EYS: variants seen among roughly 807,000 people sequenced by gnomAD.
EYS encodes EGF-like photoreceptor maintenance factor.
Under a neutral mutation model 282.1 loss-of-function variants are expected in EYS, and 250 were observed. The observed-to-expected ratio is 0.89, with a 90% CI of 0.80 to 0.98. EYS has a LOEUF of 0.98. EYS is among the 50% of genes least tolerant of loss of function. The pLI, the probability that EYS is intolerant of heterozygous loss-of-function variation, is 0.00. For missense variants in EYS, 4,016 were observed against 3,709.0 expected, an observed-to-expected ratio of 1.08 and a Z score of -2.15; for synonymous variants, 1,355 against 1,282.9, an observed-to-expected ratio of 1.06 and a Z score of -1.20.
At chr6:64,615,432 T>A (rs951040410) in intron 24 of EYS, among the ~76,000 whole-genome samples, 1 of 152,158 alleles carries the variant, frequency 6.6e-6, no homozygotes, top group African/African-American at 2.4e-5. Flanking sequence ...TTTACAAATT[T>A]AACGTGCTAC....
chr6:65,198,790 C>A (rs1765830846), intron 12 of EYS, among the ~76,000 whole-genome samples: 1 of 152,016 alleles, frequency 6.6e-6, no homozygotes, highest in Admixed American at 6.6e-5. Context: ...TTTGGTTGTT[C>A]AGATTAGGTG....
intron 12 of EYS, among the ~76,000 whole-genome samples, chr6:65,226,371 A>T (rs2150263906): frequency 6.6e-6 from 1 of 152,284 alleles, no homozygotes; most frequent in East Asian, 1.9e-4. Flanking sequence ...TTACTGAAAA[A>T]AAATTAAAAA....
chr6:64,873,498 G>A (rs1367766661), intron 19 of EYS, among the ~76,000 whole-genome samples: 1 of 152,030 alleles, frequency 6.6e-6, no homozygotes, highest in East Asian at 1.9e-4. Flanking sequence ...CATAGAAACA[G>A]AGAGTTAAAA....
rs373642080 is a variant in EYS, at chr6:64,419,945, C to A, written c.5927+16229G>T. On this transcript the variant is annotated intron_variant, in intron 28 of 42. Coordinates refer to ENST00000503581, the MANE Select transcript of EYS (RefSeq NM_001142800.2). ...ACAGTGCCCAAGTGGGGATTCTGTG[C>A]GGGGTCTTTGACCCCACATTTCCCT... Among the ~76,000 whole-genome samples, 7 of 152,308 alleles carry A rather than the reference C, an allele frequency of 4.6e-5. No individual in the cohort carries two copies. The South Asian group carries it at 1.0e-3, about 23-fold the overall frequency.
intron 30 of EYS, among the ~76,000 whole-genome samples, chr6:64,248,312 G>T (rs971395670): frequency 5.3e-5 from 8 of 152,078 alleles, no homozygotes; most frequent in Non-Finnish European, 1.2e-4. Context: ...CTCTTAAGCA[G>T]GAAATTAGTA....
intron 1 of EYS, among the ~76,000 whole-genome samples, chr6:65,684,705 C>A (rs1490124): frequency 0.82 from 124,179 of 151,806 alleles, 50,876 homozygotes; most frequent in East Asian, 0.85. Flanking sequence ...TTTTTTTCCA[C>A]CTTTTATTTT....
At chr6:64,777,727 TA>T in intron 22 of EYS, among the ~76,000 whole-genome samples, 1 of 152,104 alleles carries the variant, frequency 6.6e-6, no homozygotes, top group East Asian at 1.9e-4. Flanking sequence ...TCTGGAGAAA[TA>T]AAAACTTCCA....
intron 29 of EYS, among the ~76,000 whole-genome samples, chr6:64,344,012 G>C (rs1161615217): frequency 1.3e-5 from 2 of 152,118 alleles, no homozygotes; most frequent in Non-Finnish European, 2.9e-5. Context: ...CCAGGAAGAA[G>C]TTGAATCTCT....
chr6:65,616,792 A>C (rs1462194198), intron 2 of EYS, among the ~76,000 whole-genome samples: 111 of 137,984 alleles, frequency 8.0e-4, no homozygotes, highest in African/African-American at 2.7e-3. Flanking sequence ...CTAAAAAAAC[A>C]AAAAAAAAAA....
rs1462747779 is a variant in EYS, at chr6:64,924,668, TACCCTAAATC to T, written c.2382-11935_2382-11926del. Among the ~76,000 whole-genome samples, 5 of 152,200 alleles carry T rather than the reference TACCCTAAATC, an allele frequency of 3.3e-5. No individual in the cohort carries two copies. In the East Asian group the frequency reaches 9.6e-4, roughly 29 times the overall value. ...CTGCTTAGAAATTTCTACTGTCAGA[TACCCTAAATC>T]ATCATTCTCAAATTCAAAGTTCCAC... On this transcript the variant is annotated intron_variant, in intron 15 of 42. Transcript: ENST00000503581.
intron 35 of EYS, among the ~76,000 whole-genome samples, chr6:63,889,200 A>T (rs1339792478): frequency 2.0e-5 from 3 of 152,230 alleles, no homozygotes; most frequent in Non-Finnish European, 4.4e-5. Flanking sequence ...AAGGGAACCA[A>T]GTTGGAAAAC....
intron 26 of EYS, among the ~76,000 whole-genome samples, chr6:64,552,746 C>A (rs1398190191): frequency 6.8e-6 from 1 of 147,934 alleles, no homozygotes; most frequent in Admixed American, 6.8e-5. Flanking sequence ...ACCCCCCCCA[C>A]CATCTCTACT....
chr6:65,324,039 C>A (rs1461414260), intron 11 of EYS, among the ~76,000 whole-genome samples: 1 of 152,068 alleles, frequency 6.6e-6, no homozygotes, highest in Non-Finnish European at 1.5e-5. Context: ...ACCTCAGGGC[C>A]TTTACACCTG....
intron 28 of EYS, among the ~76,000 whole-genome samples, chr6:64,398,171 G>T (rs552967804): frequency 4.0e-4 from 61 of 152,024 alleles, no homozygotes; most frequent in African/African-American, 1.4e-3. Flanking sequence ...CCATAAAGTT[G>T]TGGCTGACCT....
intron 35 of EYS, among the ~76,000 whole-genome samples, chr6:63,926,447 C>T (rs1764718184): frequency 6.6e-6 from 1 of 152,184 alleles, no homozygotes; most frequent in Non-Finnish European, 1.5e-5. Context: ...TTTTACAGTG[C>T]ATTTAATGGG....
intron 32 of EYS, among the ~76,000 whole-genome samples, chr6:64,076,792 T>A (rs1426628310): frequency 1.3e-5 from 2 of 151,862 alleles, no homozygotes; most frequent in African/African-American, 4.8e-5. Context: ...TACAGAGGTG[T>A]TTGCTATTTG....
chr6:64,798,352 G>A (rs148960989), intron 22 of EYS, among the ~76,000 whole-genome samples: 20 of 151,910 alleles, frequency 1.3e-4, no homozygotes, highest in Admixed American at 1.2e-3. Flanking sequence ...AAGCTTAGGA[G>A]ATATCAAAAA....
At position 64,488,397 on chromosome 6, in the gene EYS, C is replaced by A. The variant is rs547180282; in HGVS notation, c.5645-49045G>T. 4.0e-5 allele frequency among the ~76,000 whole-genome samples: 6 copies of A among 151,046 alleles called. No homozygotes were observed. The East Asian group carries it at 1.2e-3, about 29-fold the overall frequency. On this transcript the variant is annotated intron_variant, in intron 26 of 42. Transcript: ENST00000503581. ...TTTACCTGGAAAGTGCTCATAAAAT[C>A]AAAAAGAGATGTAATTGTTTACAAA...
Position 64,626,124 on chromosome 6 carries a change from G to T in EYS, c.3565C>A (p.Pro1189Thr). ...HINGYVCKCQ[P>T]GWSGHHCENE... ...TTATTATTTTTAAAATAATTACCTG[G>T]TTGGCATTTGCAAACATATCCATTG... The change falls in exon 23 of 43, where the codon CCA becomes ACA. Residue 1189 changes from proline (P) to threonine (T), a missense_variant. Pro to Thr is a conservative substitution (Grantham distance 38). Transcript: ENST00000503581. 6.5e-7 allele frequency: 1 copy of T among 1,527,188 alleles called. No homozygotes were observed. Among genetic ancestry groups the T allele is most frequent in the Non-Finnish European group, 8.8e-7 (1 of 1,130,692 alleles). The allele number at this position is 1,527,188 out of a possible 1,614,324, so 94.6% of individuals were successfully genotyped here.
Sources: allele counts gnomAD v4.1 joint callset (sites outside exome capture counted in the v4.1 genomes callset), GRCh38; gene constraint gnomAD v4.1.1; transcripts MANE v1.5; gene names NCBI Gene and HGNC (gene_info 2026-07-23, HGNC 2026-07-21).